The following EGFLAM variants were observed in gnomAD, a reference collection of about 807,000 sequenced individuals.
EGFLAM encodes pikachurin.
EGFLAM carries 79 observed loss-of-function variants against 113.1 expected under a neutral mutation model. The observed-to-expected ratio is 0.70, with a 90% CI of 0.58 to 0.84. The LOEUF (loss-of-function observed/expected upper bound fraction) is 0.84, where lower values mean the gene tolerates loss of function less well. EGFLAM is among the 40% of genes least tolerant of loss of function. EGFLAM has a pLI of 0.00. For synonymous variants in EGFLAM, 504 were observed against 487.6 expected, an observed-to-expected ratio of 1.03 and a Z score of -0.44; for missense variants, 1,265 against 1,291.6, an observed-to-expected ratio of 0.98 and a Z score of 0.32.
chr5:38,444,541 G>A (rs887086122), intron 17 of EGFLAM, among the ~76,000 whole-genome samples: 14 of 152,158 alleles, frequency 9.2e-5, no homozygotes, highest in Admixed American at 2.6e-4. Context: ...TACTATATAT[G>A]TATCAAAACA....
chr5:38,375,284 C>A (rs1012613925), intron 6 of EGFLAM, among the ~76,000 whole-genome samples: 3 of 152,122 alleles, frequency 2.0e-5, no homozygotes, highest in Non-Finnish European at 4.4e-5. Flanking sequence ...AGACCCAAAC[C>A]AAGACACAGA....
chr5:38,447,831 C>T (rs1742767223), intron 17 of EGFLAM, among the ~76,000 whole-genome samples: 1 of 151,448 alleles, frequency 6.6e-6, no homozygotes, highest in South Asian at 2.1e-4. Flanking sequence ...AAGCCTCATT[C>T]ATAGTGCTTT....
chr5:38,352,086 T>C (rs1450202359), intron 4 of EGFLAM, 110 bp from the exon 5 acceptor site: 1 of 1,480,842 alleles, frequency 6.8e-7, no homozygotes, highest in African/African-American at 1.4e-5. Flanking sequence ...GAGCTGTTTA[T>C]GTATTATATT....
At chr5:38,289,278 C>G (rs925166878) in intron 1 of EGFLAM, among the ~76,000 whole-genome samples, 15 of 151,186 alleles carry the variant, frequency 9.9e-5, no homozygotes, top group South Asian at 2.1e-4. Flanking sequence ...TTTCCCCGCC[C>G]CCACATTTCA....
At chr5:38,451,078 C>T (rs1428228878) in intron 18 of EGFLAM, among the ~76,000 whole-genome samples, 1 of 152,230 alleles carries the variant, frequency 6.6e-6, no homozygotes, top group Non-Finnish European at 1.5e-5. Context: ...TCTTGCTAAT[C>T]TGTCACTCAG....
intron 1 of EGFLAM, chr5:38,282,226 T>C (rs1178997534): frequency 6.6e-6 from 1 of 152,250 alleles, no homozygotes; most frequent in African/African-American, 2.4e-5. Context: ...TCCATTGTCT[T>C]AGTTTGGATT....
At chr5:38,361,721 G>A (rs1739928040) in intron 5 of EGFLAM, among the ~76,000 whole-genome samples, 1 of 152,204 alleles carries the variant, frequency 6.6e-6, no homozygotes, top group Non-Finnish European at 1.5e-5. Flanking sequence ...CTCAAACAGT[G>A]AGTTGGACAA....
At chr5:38,443,720 T>C (rs188902713) in intron 17 of EGFLAM, among the ~76,000 whole-genome samples, 1 of 151,830 alleles carries the variant, frequency 6.6e-6, no homozygotes, top group East Asian at 1.9e-4. Flanking sequence ...GGCCCTTTGC[T>C]TTGCTAAGGT....
chr5:38,343,466 C>A (rs1182677903), intron 3 of EGFLAM, among the ~76,000 whole-genome samples: 2 of 151,498 alleles, frequency 1.3e-5, no homozygotes, highest in Non-Finnish European at 2.9e-5. Context: ...CTGGGGGTAC[C>A]TTTGTCCCCT....
rs184103662 is a variant in EGFLAM at position 38,389,840 on chromosome 5, A to G, written c.713-16286A>G. 2.1e-3 allele frequency among the ~76,000 whole-genome samples: 322 copies of G among 152,298 alleles called. 1 individual carries two copies. The highest frequency in any genetic ancestry group is 7.3e-3 in the African/African-American group (303 of 41,570). ...TTGACATTTTACTTAGCATTCTGACAGAACTTCTCAAGTTCATCCACTACA... is the reference window on the plus strand; with the variant it reads ...TTGACATTTTACTTAGCATTCTGACGGAACTTCTCAAGTTCATCCACTACA... On this transcript the variant is annotated intron_variant, in intron 6 of 21. Transcript: ENST00000322350.
At chr5:38,402,030 C>T (rs1741130434) in intron 6 of EGFLAM, 1 of 152,138 alleles carries the variant, frequency 6.6e-6, no homozygotes, top group Non-Finnish European at 1.5e-5. Flanking sequence ...TCTGATGGCA[C>T]ACATTCAGCT....
chr5:38,289,676 C>A (rs1758263321), intron 1 of EGFLAM, among the ~76,000 whole-genome samples: 1 of 152,210 alleles, frequency 6.6e-6, no homozygotes, highest in South Asian at 2.1e-4. Context: ...ATGTAAACCT[C>A]TCATGGGCTT....
In EGFLAM at chr5:38,464,468, C is replaced by T. The variant is rs115227333; in HGVS notation, c.*482C>T. The T allele has an allele frequency of 1.5e-3, 234 of 159,538 alleles. No individual in the cohort carries two copies. The highest frequency in any genetic ancestry group is 5.1e-3 in the African/African-American group (214 of 41,734). The allele number at this position is 159,538 out of a possible 1,614,324, so 9.9% of individuals were successfully genotyped here. ...TTCCCACATTGGCCCTTGGATTGTTCGGATTAACCCCTTCCACTCCTCACT... is the reference window on the plus strand; with the variant it reads ...TTCCCACATTGGCCCTTGGATTGTTTGGATTAACCCCTTCCACTCCTCACT... On this transcript the variant is annotated 3_prime_UTR_variant, in exon 22 of 22. Coordinates refer to ENST00000322350, the MANE Select transcript of EGFLAM (RefSeq NM_152403.4).
intron 10 of EGFLAM, 83 bp from the exon 11 acceptor site, chr5:38,412,421 A>G (rs2112145109): frequency 1.9e-6 from 3 of 1,602,426 alleles, no homozygotes; most frequent in East Asian, 4.5e-5. Flanking sequence ...GGAGCTGTTG[A>G]CCTGGAAGTG....
intron 18 of EGFLAM, among the ~76,000 whole-genome samples, chr5:38,450,254 G>A (rs1159387823): frequency 2.6e-5 from 4 of 152,206 alleles, no homozygotes; most frequent in African/African-American, 9.7e-5. Flanking sequence ...TCTGGGCAAA[G>A]CAGGTCTCTA....
intron 1 of EGFLAM, among the ~76,000 whole-genome samples, chr5:38,324,830 A>C (rs1738835655): frequency 6.6e-6 from 1 of 152,192 alleles, no homozygotes; most frequent in South Asian, 2.1e-4. Flanking sequence ...CAGGATTCTG[A>C]AGCTTCCCTG....
At chr5:38,431,057 C>A in intron 14 of EGFLAM, 120 bp from the exon 15 acceptor site, 1 of 818,666 alleles carries the variant, frequency 1.2e-6, no homozygotes, top group Non-Finnish European at 1.9e-6. Context: ...TTCAGATGCT[C>A]ATCTCTACCA....
chr5:38,325,935 A>T (rs1738868412), intron 1 of EGFLAM, among the ~76,000 whole-genome samples: 6 of 151,906 alleles, frequency 3.9e-5, no homozygotes, highest in Admixed American at 3.9e-4. Flanking sequence ...TTATAGAACT[A>T]CATAAATATT....
chr5:38,459,834 G>C (rs1287191846), intron 20 of EGFLAM, among the ~76,000 whole-genome samples: 1 of 151,924 alleles, frequency 6.6e-6, no homozygotes, highest in Non-Finnish European at 1.5e-5. Flanking sequence ...GAGGAAATGG[G>C]GATACAGAGG....
Sources: allele counts gnomAD v4.1 joint callset (sites outside exome capture counted in the v4.1 genomes callset), GRCh38; gene constraint gnomAD v4.1.1; transcripts MANE v1.5; gene names NCBI Gene and HGNC (gene_info 2026-07-23, HGNC 2026-07-21).